Variants in SYNE2 observed in about 807,000 individuals in gnomAD.
SYNE2 encodes spectrin repeat containing nuclear envelope protein 2.
SYNE2 carries 431 observed loss-of-function variants against 856.3 expected under a neutral mutation model. The observed-to-expected ratio is 0.50, with a 90% confidence interval of 0.47 to 0.55. The LOEUF is 0.55. SYNE2 is among the 20% of genes least tolerant of loss of function. The probability of loss-of-function intolerance (pLI) is 0.00; values close to 1 mark genes in which losing one functional copy is unlikely to be tolerated. For missense variants in SYNE2, 8,129 were observed against 8,023.2 expected, an observed-to-expected ratio of 1.01 and a Z score of -0.50; for synonymous variants, 2,923 against 2,872.3, an observed-to-expected ratio of 1.02 and a Z score of -0.56.
intron 11 of SYNE2, among the ~76,000 whole-genome samples, chr14:63,970,651 C>CTTTTTTTTTTT (rs61126600): frequency 1.2e-3 from 117 of 98,854 alleles, no homozygotes; most frequent in African/African-American, 2.3e-3. Flanking sequence ...TTTCTTTTTT[C>CTTTTTTTTTTT]TTTTTTTTTT....
At chr14:63,795,073 T>TTTTTTTA (rs1887872521) in intron 1 of SYNE2, among the ~76,000 whole-genome samples, 1 of 152,178 alleles carries the variant, frequency 6.6e-6, no homozygotes, top group Non-Finnish European at 1.5e-5. Flanking sequence ...ACCTGCCTAA[T>TTTTTTTA]TTTTTTATTT....
intron 1 of SYNE2, among the ~76,000 whole-genome samples, chr14:63,814,868 C>T (rs933136493): frequency 9.2e-5 from 5 of 54,634 alleles, no homozygotes; most frequent in Non-Finnish European, 1.6e-4. Flanking sequence ...ATATATCTCT[C>T]CATATATATC....
At chr14:63,777,085 C>T (rs1049045667) in intron 1 of SYNE2, among the ~76,000 whole-genome samples, 4 of 152,204 alleles carry the variant, frequency 2.6e-5, no homozygotes, top group Admixed American at 2.6e-4. Context: ...ATACAGCAGC[C>T]CAACATATTA....
At chr14:64,177,238 G>T (rs1191217909) in intron 95 of SYNE2, 120 bp from the exon 96 acceptor site, 3 of 1,283,360 alleles carry the variant, frequency 2.3e-6, no homozygotes, top group African/African-American at 1.5e-5. Flanking sequence ...CTGGGTGTCT[G>T]TGTGATTTAT....
chr14:63,990,858 G>A (rs924403867), intron 20 of SYNE2, 84 bp from the exon 21 acceptor site: 1 of 1,117,478 alleles, frequency 8.9e-7, no homozygotes, highest in South Asian at 1.3e-5. Context: ...TTTGTCTAGT[G>A]GGAAAATAAC....
chr14:64,134,102 C>G lies in SYNE2; in HGVS notation c.14548C>G (p.Leu4850Val). The change falls in exon 78 of 116, where the codon CTT becomes GTT. Residue 4850 changes from leucine (L) to valine (V), a missense_variant. Physicochemically the swap from Leu to Val is conservative, Grantham distance 32. Coordinates refer to ENST00000555002, the MANE Select transcript of SYNE2 (RefSeq NM_182914.3). ...WEEFDENYAS[L>V]EKDLEILIST... ...AGAATTTGATGAAAACTATGCATCT[C>G]TTGAAAAGGACCTGGAAATTCTTAT... 1 of 1,614,046 alleles carries G rather than the reference C, an allele frequency of 6.2e-7. No homozygotes were observed. Among genetic ancestry groups the G allele is most frequent in the South Asian group, 1.1e-5 (1 of 91,076 alleles).
intron 57 of SYNE2, among the ~76,000 whole-genome samples, chr14:64,082,751 A>G (rs1220854815): frequency 6.6e-6 from 1 of 152,208 alleles, no homozygotes. Context: ...TTAAGCCATT[A>G]AGTTTGTGGT....
rs779514571 is a variant in SYNE2 at position 64,212,940 on chromosome 14, C to T, written c.18991C>T (p.Arg6331Cys). Reference sequence around the variant, plus strand: ...TGAGGATGAGCTGGAGGAACTCCACCGCTACTGCCAGGAGGTGTTTGGAAG... The same window carrying T: ...TGAGGATGAGCTGGAGGAACTCCACTGCTACTGCCAGGAGGTGTTTGGAAG... ...LIEDELEELH[R>C]YCQEVFGRVS... Residue 6331 changes from arginine (R) to cysteine (C), a missense_variant, in exon 105 of 116, where the codon CGC becomes TGC. Arg to Cys is a radical substitution (Grantham distance 180). Coordinates refer to ENST00000555002, the MANE Select transcript of SYNE2 (RefSeq NM_182914.3). 9.2e-5 allele frequency: 149 copies of T among 1,614,092 alleles called. No individual in the cohort carries two copies. Among genetic ancestry groups the T allele is most frequent in the Non-Finnish European group, 1.2e-4 (137 of 1,180,048 alleles).
chr14:63,792,117 G>A lies in SYNE2; in HGVS notation c.-305+30131G>A, dbSNP rs138167300. Among the ~76,000 whole-genome samples, 101 of 152,078 alleles carry A rather than the reference G, an allele frequency of 6.6e-4. 1 individual carries two copies. Among genetic ancestry groups the A allele is most frequent in the Non-Finnish European group, 1.3e-3 (87 of 67,994 alleles). The stretch of plus-strand genomic sequence containing the variant: ...GACAGGCATAAATCCAACCATACGA[G>A]TAATTACATTAAATGTACATGAATT... On this transcript the variant is annotated intron_variant, in intron 1 of 23. Coordinates refer to the SYNE2 transcript ENST00000674003.
In SYNE2 at chr14:64,013,337, T is replaced by G. The variant is rs1178726916; in HGVS notation, c.4729-3136T>G. On this transcript the variant is annotated intron_variant, in intron 32 of 115. Transcript: ENST00000555002. The stretch of plus-strand genomic sequence containing the variant: ...TTCCTCATTAAATTTTTTTTTTTTT[T>G]TTGTATATTTAGGGAGTTACAAGTG... Among the ~76,000 whole-genome samples, 3 of 151,860 alleles carry G rather than the reference T, an allele frequency of 2.0e-5. No homozygotes were observed. In the South Asian group the frequency reaches 6.2e-4, roughly 31 times the overall value.
chr14:63,926,253 G>T (rs1309735110), intron 2 of SYNE2, among the ~76,000 whole-genome samples: 1 of 131,382 alleles, frequency 7.6e-6, no homozygotes, highest in African/African-American at 3.0e-5. Context: ...CCCAGCCCTA[G>T]GCAATCAATT....
chr14:64,186,706 G>T (rs539881686), intron 97 of SYNE2, 127 bp downstream of exon 97: 2 of 1,227,146 alleles, frequency 1.6e-6, no homozygotes, highest in East Asian at 2.3e-5. Context: ...CCCCTGGCCC[G>T]GCCGCTGCTC....
intron 1 of SYNE2, among the ~76,000 whole-genome samples, chr14:63,787,936 G>A (rs1887598721): frequency 6.6e-6 from 1 of 152,168 alleles, no homozygotes; most frequent in Non-Finnish European, 1.5e-5. Flanking sequence ...TGGCACCCAG[G>A]CTGTTCTCAC....
chr14:63,967,651 T>G, intron 10 of SYNE2, 58 bp from the exon 11 acceptor site: 1 of 1,556,478 alleles, frequency 6.4e-7, no homozygotes, highest in Admixed American at 1.8e-5. Context: ...AATAACAGAT[T>G]ATATGATATA....
chr14:64,085,533 A>AAT (rs1284475327), intron 57 of SYNE2, among the ~76,000 whole-genome samples: 2 of 152,260 alleles, frequency 1.3e-5, no homozygotes, highest in Admixed American at 1.3e-4. Context: ...TCAATGAATA[A>AAT]ATACCTAAAA....
rs1008878515 is a variant in SYNE2 at position 64,056,023 on chromosome 14, T to C, written c.9824T>C (p.Leu3275Pro). Reference protein sequence around the residue: ...VTRAVESITSLEAIIIPYRVD... With the variant: ...VTRAVESITSPEAIIIPYRVD... Reference sequence around the variant, plus strand: ...AGGGCAGTGGAGAGCATCACTTCCCTCGAAGCCATCATTATACCCTACAGA... The same window carrying C: ...AGGGCAGTGGAGAGCATCACTTCCCCCGAAGCCATCATTATACCCTACAGA... Residue 3275 changes from leucine to proline, a missense_variant, in exon 49 of 116, where the codon CTC (leucine) becomes CCC (proline). Transcript: ENST00000555002. 6.2e-7 allele frequency: 1 copy of C among 1,614,108 alleles called. No homozygotes were observed. The highest frequency in any genetic ancestry group is 1.1e-5 in the South Asian group (1 of 91,084).
intron 45 of SYNE2, among the ~76,000 whole-genome samples, chr14:64,041,739 A>G (rs1433673041): frequency 1.3e-5 from 2 of 152,000 alleles, no homozygotes. Flanking sequence ...GGTCCCACCA[A>G]CTTGGGAGGC....
Position 64,006,919 on chromosome 14 carries a change from G to C in SYNE2, c.4398-124G>C, listed in dbSNP as rs1264343543. ...CTCCTGAACTCTGTAACAGGAATGTGTAATTTTGGCATTAACCACATGAGG... is the reference window on the plus strand; with the variant it reads ...CTCCTGAACTCTGTAACAGGAATGTCTAATTTTGGCATTAACCACATGAGG... On this transcript the variant is annotated intron_variant, in intron 30 of 115. Transcript: ENST00000555002. 5.3e-6 allele frequency: 4 copies of C among 750,766 alleles called. No homozygotes were observed. The African/African-American group carries it at 7.0e-5, about 13-fold the overall frequency. The allele number at this position is 750,766 out of a possible 1,614,324, so 46.5% of individuals were successfully genotyped here. A position where few individuals can be genotyped will look rare whatever the true frequency, so the allele number is the denominator to read the frequency against.
chr14:64,163,297 G>A (rs954109466), intron 88 of SYNE2, 105 bp from the exon 89 acceptor site: 5 of 1,322,896 alleles, frequency 3.8e-6, no homozygotes, highest in Non-Finnish European at 3.2e-6. Flanking sequence ...TCATGCCTAC[G>A]TTTTCAGGGC....
Sources: allele counts gnomAD v4.1 joint callset (sites outside exome capture counted in the v4.1 genomes callset), GRCh38; gene constraint gnomAD v4.1.1; transcripts MANE v1.5; gene names NCBI Gene and HGNC (gene_info 2026-07-23, HGNC 2026-07-21).